ANK3: variants seen among roughly 807,000 people sequenced by gnomAD.
ANK3 encodes the protein ankyrin-3.
ANK3 carries 57 observed loss-of-function variants against 370.9 expected under a neutral mutation model. The observed-to-expected ratio is 0.15, with a 90% CI of 0.12 to 0.19. The LOEUF (loss-of-function observed/expected upper bound fraction) is 0.19. Ranked by LOEUF, ANK3 falls within the 10% of genes least tolerant of loss-of-function variation. The pLI is 1.00. For synonymous variants in ANK3, 1,929 were observed against 1,946.3 expected, an observed-to-expected ratio of 0.99 and a Z score of 0.23; for missense variants, 4,439 against 5,302.1, an observed-to-expected ratio of 0.84 and a Z score of 5.06.
chr10:60,386,724 C>T (rs1202977168), intron 1 of ANK3, among the ~76,000 whole-genome samples: 3 of 152,122 alleles, frequency 2.0e-5, no homozygotes, highest in Non-Finnish European at 4.4e-5. Context: ...TGTCATCACA[C>T]CTAATCAAGA....
At chr10:60,130,202 C>G (rs1290307346) in intron 25 of ANK3, among the ~76,000 whole-genome samples, 1 of 152,156 alleles carries the variant, frequency 6.6e-6, no homozygotes, top group African/African-American at 2.4e-5. Flanking sequence ...GATGGCTCCA[C>G]CTCTCCCACT....
intron 2 of ANK3, among the ~76,000 whole-genome samples, chr10:60,595,542 T>C (rs1471920923): frequency 1.3e-5 from 2 of 151,988 alleles, no homozygotes; most frequent in Non-Finnish European, 2.9e-5. Context: ...CAACCTTAGG[T>C]TTTACAATAA....
intron 2 of ANK3, among the ~76,000 whole-genome samples, chr10:60,558,054 G>A (rs2077250393): frequency 6.6e-6 from 1 of 152,146 alleles, no homozygotes; most frequent in Non-Finnish European, 1.5e-5. Flanking sequence ...CTACAAAGAA[G>A]AGGTTCTCCT....
intron 23 of ANK3, among the ~76,000 whole-genome samples, chr10:60,164,365 A>G (rs1179340838): frequency 1.3e-5 from 2 of 152,126 alleles, no homozygotes; most frequent in Non-Finnish European, 2.9e-5. Flanking sequence ...CTTTGACGAG[A>G]CTAAAAATAT....
chr10:60,351,238 A>C (rs1004344215), intron 1 of ANK3, among the ~76,000 whole-genome samples: 6 of 152,170 alleles, frequency 3.9e-5, no homozygotes, highest in Admixed American at 2.6e-4. Flanking sequence ...AATAGAGAAG[A>C]TCTATTTAGA....
intron 1 of ANK3, among the ~76,000 whole-genome samples, chr10:60,682,629 G>A (rs1039424578): frequency 6.6e-6 from 1 of 152,028 alleles, no homozygotes; most frequent in Non-Finnish European, 1.5e-5. Flanking sequence ...CCTGGTTAGG[G>A]TCCTACCCCA....
At chr10:60,202,833 A>G (rs1191544800) in intron 12 of ANK3, among the ~76,000 whole-genome samples, 169 bp downstream of exon 12, 4 of 152,180 alleles carry the variant, frequency 2.6e-5, no homozygotes, top group Non-Finnish European at 5.9e-5. Flanking sequence ...ACTTGAGTCC[A>G]GGATTCAAGG....
intron 2 of ANK3, among the ~76,000 whole-genome samples, chr10:60,440,750 C>A (rs2064279917): frequency 6.6e-6 from 1 of 152,114 alleles, no homozygotes; most frequent in Non-Finnish European, 1.5e-5. Flanking sequence ...TGAGTGACTC[C>A]TTTGCACAGT....
At chr10:60,201,218 A>G (rs925483187) in intron 12 of ANK3, among the ~76,000 whole-genome samples, 1 of 152,184 alleles carries the variant, frequency 6.6e-6, no homozygotes, top group Admixed American at 6.5e-5. Context: ...TTACGAATGA[A>G]AACATTCTGT....
At chr10:60,634,006 A>G (rs7089287) in intron 1 of ANK3, among the ~76,000 whole-genome samples, 102,887 of 152,046 alleles carry the variant, frequency 0.68, 34,964 homozygotes, top group South Asian at 0.82. Context: ...AAACTCCAAT[A>G]CTTTGATCAA....
At chr10:60,119,513 T>TA (rs1388691597) in intron 25 of ANK3, among the ~76,000 whole-genome samples, 3 of 152,154 alleles carry the variant, frequency 2.0e-5, no homozygotes, top group African/African-American at 7.2e-5. Flanking sequence ...ATGCCTATAA[T>TA]CCCAACACTT....
chr10:60,528,687 T>C (rs10994404), intron 2 of ANK3, among the ~76,000 whole-genome samples: 14,700 of 152,076 alleles, frequency 0.097, 1,260 homozygotes, highest in East Asian at 0.31. Flanking sequence ...TGTGGGGTGA[T>C]GCCCTGTGCA....
intron 2 of ANK3, among the ~76,000 whole-genome samples, chr10:60,507,287 A>G (rs930238330): frequency 6.6e-6 from 1 of 152,086 alleles, no homozygotes. Flanking sequence ...ATGCGTCACA[A>G]TGGCATAATA....
At chr10:60,431,973 C>T (rs2064036376) in intron 2 of ANK3, among the ~76,000 whole-genome samples, 2 of 152,122 alleles carry the variant, frequency 1.3e-5, no homozygotes, top group Non-Finnish European at 2.9e-5. Context: ...TAACTCTATC[C>T]TACCTATCTC....
At chr10:60,329,711 C>CTG (rs2050752632) in intron 1 of ANK3, among the ~76,000 whole-genome samples, 1 of 152,122 alleles carries the variant, frequency 6.6e-6, no homozygotes, top group Admixed American at 6.5e-5. Flanking sequence ...CCATATTGCC[C>CTG]AAAGTAATTT....
At chr10:60,419,637 C>T (rs2063738358) in intron 2 of ANK3, among the ~76,000 whole-genome samples, 1 of 152,148 alleles carries the variant, frequency 6.6e-6, no homozygotes, top group Non-Finnish European at 1.5e-5. Flanking sequence ...CCCTCTTGGC[C>T]TGTTACATTC....
intron 1 of ANK3, among the ~76,000 whole-genome samples, chr10:60,621,914 CA>C (rs2078343039): frequency 6.6e-6 from 1 of 151,984 alleles, no homozygotes; most frequent in Non-Finnish European, 1.5e-5. Flanking sequence ...AATGCAAGAT[CA>C]AAGTCAATTC....
intron 2 of ANK3, among the ~76,000 whole-genome samples, chr10:60,547,231 C>T (rs1041158371): frequency 6.7e-6 from 1 of 150,352 alleles, no homozygotes. Context: ...GTTGGGATTA[C>T]AGGCACCTGC....
chr10:60,133,103 G>A (rs961841331), intron 25 of ANK3, among the ~76,000 whole-genome samples: 2 of 152,180 alleles, frequency 1.3e-5, no homozygotes, highest in Non-Finnish European at 2.9e-5. Flanking sequence ...ACATGTGGGA[G>A]TCCCAAAAGT....
Sources: gnomAD v4.1 joint callset for allele counts (sites outside exome capture counted in the v4.1 genomes callset) on GRCh38, gnomAD v4.1.1 for gene constraint, MANE v1.5 for transcripts, NCBI Gene and HGNC (gene_info 2026-07-23, HGNC 2026-07-21) for gene names.